The following SYNJ1 variants were observed in gnomAD, a reference collection of about 807,000 sequenced individuals.
SYNJ1 encodes the protein polyphosphatidylinositol phosphatase SYNJ1.
SYNJ1 carries 78 observed loss-of-function variants against 168.2 expected under a neutral mutation model. That is an observed-to-expected ratio of 0.46 (90% CI 0.39 to 0.56). SYNJ1 has a LOEUF of 0.56. Among genes scored for constraint, SYNJ1 ranks in the 20% least tolerant of loss-of-function variants. SYNJ1 has a pLI of 0.00. For missense variants in SYNJ1, 1,303 were observed against 1,597.6 expected (o/e 0.82, Z 3.14); for synonymous variants, 539 against 548.6 (o/e 0.98, Z 0.24).
intron 22 of SYNJ1, among the ~76,000 whole-genome samples, chr21:32,651,741 A>G (rs924990535): frequency 1.3e-5 from 2 of 152,218 alleles, no homozygotes; most frequent in African/African-American, 2.4e-5. Context: ...AAAAAGATAC[A>G]TAGAGGTTCA....
chr21:32,688,348 C>T lies in SYNJ1; in HGVS notation c.809G>A (p.Arg270His), dbSNP rs532075408. ...ATTGGCTTCAAATCCCCTTGACATA[C>T]GGACACGATGAGATCCCACCTTAGA... ...PGLQVGSHRVRMSRGFEANAP... is the reference protein window; with the variant it reads ...PGLQVGSHRVHMSRGFEANAP... Residue 270 changes from arginine to histidine, a missense_variant, in exon 7 of 33, where the codon CGT (arginine) becomes CAT (histidine). Physicochemically the swap from Arg to His is conservative, Grantham distance 29 (BLOSUM62 0). Coordinates refer to ENST00000674351, the MANE Select transcript of SYNJ1 (RefSeq NM_203446.3). The T allele has an allele frequency of 2.1e-5, 34 of 1,613,584 alleles. No individual in the cohort carries two copies. In the East Asian group the frequency reaches 2.7e-4, roughly 13 times the overall value.
chr21:32,639,035 G>A lies in SYNJ1; in HGVS notation c.3788C>T (p.Pro1263Leu), dbSNP rs757637208. ...CATAGGTGCTGCCACAGGGACAAGA[G>A]GCTCTTGCAACCTTTGAGCAGGCGG... The part of the protein sequence containing the change: ...LPPPAQRLQE[P>L]LVPVAAPMPQ... Residue 1263 changes from proline to leucine, a missense_variant, in exon 31 of 33, where the codon CCT (proline) becomes CTT (leucine). Physicochemically the swap from Pro to Leu is moderately conservative, Grantham distance 98. Transcript: ENST00000674351. 1.2e-6 allele frequency: 2 copies of A among 1,614,098 alleles called. No individual in the cohort carries two copies. Among genetic ancestry groups the A allele is most frequent in the Admixed American group, 1.7e-5 (1 of 60,028 alleles).
intron 21 of SYNJ1, among the ~76,000 whole-genome samples, chr21:32,655,259 C>T (rs1389654443): frequency 2.0e-5 from 3 of 152,182 alleles, no homozygotes. Context: ...TTATCTGCTA[C>T]TCTGCTGCCC....
intron 2 of SYNJ1, among the ~76,000 whole-genome samples, chr21:32,703,737 AT>A (rs901810103): frequency 1.4e-3 from 203 of 146,710 alleles, no homozygotes; most frequent in African/African-American, 3.1e-3. Flanking sequence ...TTTTATTTTT[AT>A]TTTTTTTTTT....
rs117378404 is a variant in SYNJ1 at position 32,719,164 on chromosome 21, G to A, written c.124+7608C>T. ...GAACTGTGTGCTCAGATGCCCCACG[G>A]CACTACAGCAAACTCCCAGGGAAGC... On this transcript the variant is annotated intron_variant, in intron 2 of 32. Coordinates refer to ENST00000674351, the MANE Select transcript of SYNJ1 (RefSeq NM_203446.3). Among the ~76,000 whole-genome samples the A allele has an allele frequency of 7.6e-3, 1,163 of 152,336 alleles. 7 individuals carry two copies. The highest frequency in any genetic ancestry group is 0.011 in the Non-Finnish European group (762 of 68,032).
intron 18 of SYNJ1, among the ~76,000 whole-genome samples, chr21:32,660,539 C>A (rs1357820470): frequency 6.6e-6 from 1 of 152,230 alleles, no homozygotes; most frequent in South Asian, 2.1e-4. Context: ...TGGGCATCAG[C>A]AGACTGGGAG....
Position 32,631,222 on chromosome 21 carries a change from C to T in SYNJ1, c.*583G>A. On this transcript the variant is annotated 3_prime_UTR_variant, in exon 33 of 33. Transcript: ENST00000674351. ...TGATTACCCAGTAAGTCTGAACAAG[C>T]TGACTTTGACTTCCCTTTCACACCA... is the stretch of plus-strand genomic sequence containing the variant. 6.2e-7 allele frequency: 1 copy of T among 1,614,230 alleles called. No homozygotes were observed. Among genetic ancestry groups the T allele is most frequent in the South Asian group, 1.1e-5 (1 of 91,088 alleles).
At chr21:32,728,047 GCGGCCGGGGGCGGAAGATCCGCCC>G, upstream of SYNJ1, 1 of 1,528,178 alleles carries the variant, frequency 6.5e-7, no homozygotes, top group Non-Finnish European at 8.7e-7. Flanking sequence ...GCATTGCGCC[GCGGCCGGGGGCGGAAGATCCGCCC>G]CGCGCGAGGG....
Position 32,657,874 on chromosome 21 carries a change from T to C in SYNJ1, c.2305-2A>G. On this transcript the variant is annotated splice_acceptor_variant, in intron 18 of 32. Coordinates refer to ENST00000674351, the MANE Select transcript of SYNJ1 (RefSeq NM_203446.3). LOFTEE classifies it high-confidence loss of function. ...TCCTTCTAAAAATCCTCTAAAAACCTAAAATAAACATATACAAAGTAAGTT... is the reference window on the plus strand; with the variant it reads ...TCCTTCTAAAAATCCTCTAAAAACCCAAAATAAACATATACAAAGTAAGTT... 6.2e-7 allele frequency: 1 copy of C among 1,606,720 alleles called. No individual in the cohort carries two copies. The highest frequency in any genetic ancestry group is 1.1e-5 in the South Asian group (1 of 89,826).
chr21:32,702,683 C>T (rs1363145574), intron 2 of SYNJ1, among the ~76,000 whole-genome samples: 1 of 152,204 alleles, frequency 6.6e-6, no homozygotes, highest in Non-Finnish European at 1.5e-5. Flanking sequence ...ATACATCCCA[C>T]AGTCTACAGT....
chr21:32,712,112 T>C (rs999708967), intron 2 of SYNJ1, among the ~76,000 whole-genome samples: 2 of 152,338 alleles, frequency 1.3e-5, no homozygotes, highest in South Asian at 2.1e-4. Flanking sequence ...TACACTGTTC[T>C]TCCCCAGCTG....
At chr21:32,643,967 G>A (rs945291627) in intron 26 of SYNJ1, among the ~76,000 whole-genome samples, 2 of 152,176 alleles carry the variant, frequency 1.3e-5, no homozygotes, top group African/African-American at 4.8e-5. Flanking sequence ...ACTTACAAAA[G>A]AATTATGAAG....
intron 14 of SYNJ1, among the ~76,000 whole-genome samples, chr21:32,672,579 A>T (rs2041248676): frequency 6.6e-6 from 1 of 152,048 alleles, no homozygotes; most frequent in African/African-American, 2.4e-5. Context: ...TCCTCAGGTG[A>T]TCCACCTGCC....
intron 10 of SYNJ1, 120 bp from the exon 11 acceptor site, chr21:32,681,768 T>C: frequency 1.2e-6 from 1 of 837,206 alleles, no homozygotes; most frequent in Non-Finnish European, 1.7e-6. Flanking sequence ...GGGACTAGCT[T>C]CTGAAAACAT....
intron 6 of SYNJ1, among the ~76,000 whole-genome samples, chr21:32,692,808 T>C (rs959103975): frequency 6.6e-6 from 1 of 152,060 alleles, no homozygotes; most frequent in Non-Finnish European, 1.5e-5. Flanking sequence ...TCCTAGCATT[T>C]TGGGAGGCCA....
intron 32 of SYNJ1, among the ~76,000 whole-genome samples, chr21:32,633,605 G>A (rs1336938482): frequency 2.0e-5 from 3 of 152,126 alleles, no homozygotes; most frequent in Non-Finnish European, 4.4e-5. Flanking sequence ...TTGGATAGTT[G>A]TTAAAGCAAC....
chr21:32,670,173 G>A (rs1157190503), intron 15 of SYNJ1, 115 bp downstream of exon 15: 5 of 765,474 alleles, frequency 6.5e-6, no homozygotes, highest in Non-Finnish European at 1.0e-5. Flanking sequence ...ACAGTTTTAC[G>A]AGCACCCTTC....
rs1438473475 is a variant in SYNJ1, at chr21:32,631,437, G to A, written c.*368C>T. ...GGGCTCTTCTTTGGAGAACCATGAA[G>A]TTGCCTCTGATTCTTCAGACTTGGC... On this transcript the variant is annotated 3_prime_UTR_variant, in exon 33 of 33. Coordinates refer to ENST00000674351, the MANE Select transcript of SYNJ1 (RefSeq NM_203446.3). 1.2e-6 allele frequency: 2 copies of A among 1,614,182 alleles called. No homozygotes were observed. The highest frequency in any genetic ancestry group is 2.7e-5 in the African/African-American group (2 of 75,058).
intron 32 of SYNJ1, among the ~76,000 whole-genome samples, chr21:32,633,045 T>C (rs1432019531): frequency 2.0e-5 from 3 of 152,078 alleles, no homozygotes; most frequent in Non-Finnish European, 4.4e-5. Context: ...AACTGAGTAA[T>C]GTGACAACTT....
Sources: gnomAD v4.1 joint callset for allele counts (sites outside exome capture counted in the v4.1 genomes callset) on GRCh38, gnomAD v4.1.1 for gene constraint, MANE v1.5 for transcripts, NCBI Gene and HGNC (gene_info 2026-07-23, HGNC 2026-07-21) for gene names.